The following CNTN5 variants were observed in gnomAD, a reference collection of about 807,000 sequenced individuals.
The protein encoded by CNTN5 is contactin 5.
Under a neutral mutation model 129.1 loss-of-function variants are expected in CNTN5, and 77 were observed. The observed-to-expected ratio is 0.60, with a 90% confidence interval of 0.50 to 0.72. CNTN5 has a LOEUF of 0.72. Among genes scored for constraint, CNTN5 ranks in the 30% least tolerant of loss-of-function variants. The pLI, the probability that CNTN5 is intolerant of heterozygous loss-of-function variation, is 0.00. For synonymous variants in CNTN5, 509 were observed against 465.6 expected (o/e 1.09, Z -1.20); for missense variants, 1,478 against 1,328.8 (o/e 1.11, Z -1.75).
chr11:99,768,002 T>C (rs538611875), intron 3 of CNTN5, among the ~76,000 whole-genome samples: 1 of 152,114 alleles, frequency 6.6e-6, no homozygotes, highest in Non-Finnish European at 1.5e-5. Context: ...CTATCAGTAG[T>C]TTTATTGGAA....
intron 1 of CNTN5, among the ~76,000 whole-genome samples, chr11:99,248,710 A>T (rs1014914023): frequency 1.3e-5 from 2 of 152,186 alleles, no homozygotes; most frequent in African/African-American, 4.8e-5. Flanking sequence ...AGCACCATGT[A>T]TTAAATAGGG....
chr11:99,587,902 C>T (rs1949851723), intron 3 of CNTN5, among the ~76,000 whole-genome samples: 1 of 152,092 alleles, frequency 6.6e-6, no homozygotes, highest in Non-Finnish European at 1.5e-5. Context: ...AAAGTGGAAA[C>T]ATTTTTATTT....
chr11:99,326,148 T>C (rs191431314), intron 2 of CNTN5, among the ~76,000 whole-genome samples: 2 of 152,352 alleles, frequency 1.3e-5, no homozygotes, highest in South Asian at 2.1e-4. Flanking sequence ...TAAAATACTT[T>C]GAAATACATC....
At chr11:99,271,355 G>T (rs1863163101) in intron 1 of CNTN5, among the ~76,000 whole-genome samples, 3 of 151,752 alleles carry the variant, frequency 2.0e-5, no homozygotes, top group Admixed American at 1.3e-4. Flanking sequence ...GAAACTGTTA[G>T]TTCTACTTTT....
chr11:100,338,609 G>T (rs1020990556), intron 21 of CNTN5, among the ~76,000 whole-genome samples: 6 of 152,212 alleles, frequency 3.9e-5, no homozygotes, highest in Admixed American at 3.9e-4. Flanking sequence ...CTTGTGACAG[G>T]AGTGACCCCA....
At chr11:99,439,536 C>T (rs1012800644) in intron 2 of CNTN5, among the ~76,000 whole-genome samples, 6 of 151,540 alleles carry the variant, frequency 4.0e-5, no homozygotes, top group East Asian at 1.9e-4. Flanking sequence ...GGTGAAACCC[C>T]GTCTCTACTG....
At chr11:99,963,842 G>T (rs1366329087) in intron 8 of CNTN5, among the ~76,000 whole-genome samples, 2 of 152,052 alleles carry the variant, frequency 1.3e-5, no homozygotes, top group Admixed American at 6.6e-5. Context: ...ATTGAGCAGT[G>T]GTTTGTAGTT....
chr11:99,268,399 T>C (rs1863009196), intron 1 of CNTN5, among the ~76,000 whole-genome samples: 1 of 151,686 alleles, frequency 6.6e-6, no homozygotes, highest in East Asian at 1.9e-4. Context: ...AATTGAAAAT[T>C]ATGAGTAAAT....
chr11:99,524,581 G>T (rs1947413955), intron 2 of CNTN5, among the ~76,000 whole-genome samples: 1 of 152,048 alleles, frequency 6.6e-6, no homozygotes, highest in Non-Finnish European at 1.5e-5. Flanking sequence ...GGAGGCTGAG[G>T]CAGGCAGATT....
At chr11:100,113,977 C>T (rs920109085) in intron 13 of CNTN5, among the ~76,000 whole-genome samples, 1 of 152,018 alleles carries the variant, frequency 6.6e-6, no homozygotes, top group Non-Finnish European at 1.5e-5. Flanking sequence ...CCATTTGAGA[C>T]CTCAGATCTA....
At chr11:99,894,725 A>G (rs539107431) in intron 6 of CNTN5, among the ~76,000 whole-genome samples, 51 of 152,252 alleles carry the variant, frequency 3.3e-4, no homozygotes, top group African/African-American at 1.2e-3. Context: ...TAAAATATCA[A>G]TGATTATGCA....
At chr11:99,290,568 C>G (rs1443856463) in intron 1 of CNTN5, among the ~76,000 whole-genome samples, 1 of 151,744 alleles carries the variant, frequency 6.6e-6, no homozygotes, top group Admixed American at 6.6e-5. Context: ...TTACATTATT[C>G]CTTTGTTAGA....
chr11:99,449,845 A>T (rs1944226679), intron 2 of CNTN5, among the ~76,000 whole-genome samples: 1 of 152,234 alleles, frequency 6.6e-6, no homozygotes, highest in Admixed American at 6.5e-5. Flanking sequence ...TGTCCATTTG[A>T]CTAAAGCAAG....
At chr11:100,141,103 C>A (rs1486425540) in intron 13 of CNTN5, among the ~76,000 whole-genome samples, 1 of 152,044 alleles carries the variant, frequency 6.6e-6, no homozygotes, top group Admixed American at 6.6e-5. Flanking sequence ...ATGGTGATGA[C>A]TGAAGCTTCA....
At chr11:100,129,294 T>C (rs1056404182) in intron 13 of CNTN5, among the ~76,000 whole-genome samples, 2 of 152,176 alleles carry the variant, frequency 1.3e-5, no homozygotes, top group South Asian at 4.1e-4. Flanking sequence ...TATTCACAGC[T>C]AGAAATTTGA....
At chr11:99,143,729 G>A (rs1859644895) in intron 1 of CNTN5, among the ~76,000 whole-genome samples, 1 of 152,110 alleles carries the variant, frequency 6.6e-6, no homozygotes, top group African/African-American at 2.4e-5. Flanking sequence ...AAAAATGTAG[G>A]AAAGTTAATC....
intron 1 of CNTN5, among the ~76,000 whole-genome samples, chr11:99,318,992 T>C (rs1865455334): frequency 6.6e-6 from 1 of 152,218 alleles, no homozygotes; most frequent in South Asian, 2.1e-4. Context: ...CAGAATTTTA[T>C]ATTCTGTTTA....
intron 9 of CNTN5, among the ~76,000 whole-genome samples, chr11:100,019,409 T>C (rs1269547429): frequency 6.6e-6 from 1 of 151,982 alleles, no homozygotes; most frequent in African/African-American, 2.4e-5. Context: ...GAGTTTGACA[T>C]TTTTAAATTC....
At position 99,904,484 on chromosome 11, in the gene CNTN5, C is replaced by T. The variant is rs368323805; in HGVS notation, c.578-11570C>T. Among the ~76,000 whole-genome samples, 48 of 149,722 alleles carry T rather than the reference C, an allele frequency of 3.2e-4. No homozygotes were observed. The South Asian group carries it at 4.2e-3, about 13-fold the overall frequency. ...AAGGACATGAACTCATCCTTTTTTA[C>T]GGCTGCATAGTATTCCATGGGGTAT... On this transcript the variant is annotated intron_variant, in intron 6 of 24. Transcript: ENST00000524871.
Sources: gnomAD v4.1 joint callset for allele counts (sites outside exome capture counted in the v4.1 genomes callset) on GRCh38, gnomAD v4.1.1 for gene constraint, MANE v1.5 for transcripts, NCBI Gene and HGNC (gene_info 2026-07-23, HGNC 2026-07-21) for gene names.